The following KCNQ3 variants were observed in gnomAD, a reference collection of about 807,000 sequenced individuals.
KCNQ3 encodes the protein potassium voltage-gated channel subfamily Q member 3.
Under a neutral mutation model 92.5 loss-of-function variants are expected in KCNQ3, and 30 were observed. The observed-to-expected ratio is 0.32, with a 90% CI of 0.24 to 0.44. The LOEUF (loss-of-function observed/expected upper bound fraction) is 0.44. KCNQ3 is among the 20% of genes least tolerant of loss of function. KCNQ3 has a pLI of 1.00. For synonymous variants in KCNQ3, 450 were observed against 468.8 expected, an observed-to-expected ratio of 0.96 and a Z score of 0.52; for missense variants, 913 against 1,140.3, an observed-to-expected ratio of 0.80 and a Z score of 2.87.
intron 8 of KCNQ3, among the ~76,000 whole-genome samples, chr8:132,167,290 A>G (rs1563783326): frequency 2.6e-5 from 4 of 152,342 alleles, no homozygotes; most frequent in Middle Eastern, 3.4e-3. Flanking sequence ...AACCAGGAGT[A>G]TCTGCTCACT....
chr8:132,189,767 G>T (rs898072741), intron 1 of KCNQ3, among the ~76,000 whole-genome samples: 1 of 151,264 alleles, frequency 6.6e-6, no homozygotes, highest in Non-Finnish European at 1.5e-5. Context: ...CGGAGGTTGC[G>T]GTGAGCCGAG....
At chr8:132,185,170 T>C (rs1826922187) in intron 2 of KCNQ3, among the ~76,000 whole-genome samples, 1 of 152,200 alleles carries the variant, frequency 6.6e-6, no homozygotes, top group South Asian at 2.1e-4. Context: ...CTCTGGGACG[T>C]GCTGTTGCAA....
chr8:132,330,896 G>A (rs559914756), intron 1 of KCNQ3, among the ~76,000 whole-genome samples: 12 of 152,266 alleles, frequency 7.9e-5, no homozygotes, highest in Admixed American at 2.6e-4. Flanking sequence ...GGCAACTGCC[G>A]GGTCTGATGG....
At chr8:132,275,625 T>G (rs897963611) in intron 1 of KCNQ3, among the ~76,000 whole-genome samples, 74 of 151,700 alleles carry the variant, frequency 4.9e-4, no homozygotes, top group Non-Finnish European at 8.8e-4. Flanking sequence ...TCGCCCAGGC[T>G]GGAGTGCAGT....
rs1824503940 is a variant in KCNQ3 at position 132,122,382 on chromosome 8, A to G, written c.*6880T>C. The G allele has an allele frequency of 6.6e-6, 1 of 152,194 alleles. No homozygotes were observed. The highest frequency in any genetic ancestry group is 2.4e-5 in the African/African-American group (1 of 41,458). The allele number at this position is 152,194 out of a possible 1,614,324, so 9.4% of individuals were successfully genotyped here. A position where few individuals can be genotyped will look rare whatever the true frequency, so the allele number is the denominator to read the frequency against. ...GGAAGAGAAGGGAACATTAACATAA[A>G]ATATGGTCTCATTTTTTATTACTCT... is the stretch of plus-strand genomic sequence containing the variant. On this transcript the variant is annotated 3_prime_UTR_variant, in exon 15 of 15. Coordinates refer to ENST00000388996, the MANE Select transcript of KCNQ3 (RefSeq NM_004519.4).
rs367611806 is a variant in KCNQ3, at chr8:132,175,489, C to T, written c.897G>A (p.Glu299=). Reference sequence around the variant, plus strand: ...ACAGGGCATCTGCATAGGTCTCAAACTCCTCTTTCATCTCCTCTCCTTGTG... The same window carrying T: ...ACAGGGCATCTGCATAGGTCTCAAATTCCTCTTTCATCTCCTCTCCTTGTG... ...VDAQGEEMKE[E]FETYADALWW... The change falls in exon 5 of 15, where the codon GAG becomes GAA. Residue 299 remains glutamate, a synonymous_variant. Transcript: ENST00000388996. 15 of 1,614,016 alleles carry T rather than the reference C, an allele frequency of 9.3e-6. No individual in the cohort carries two copies. The highest frequency in any genetic ancestry group is 1.3e-5 in the Non-Finnish European group (15 of 1,179,956).
chr8:132,244,920 CA>C (rs35215337), intron 1 of KCNQ3, among the ~76,000 whole-genome samples: 22,456 of 112,212 alleles, frequency 0.2, 1,739 homozygotes, highest in South Asian at 0.35. Flanking sequence ...CTCACTTGAC[CA>C]AAAAAAAAAA....
At chr8:132,264,487 G>C (rs528097244) in intron 1 of KCNQ3, among the ~76,000 whole-genome samples, 1 of 152,210 alleles carries the variant, frequency 6.6e-6, no homozygotes. Flanking sequence ...CATGAGATGG[G>C]CCTATTGGGA....
At chr8:132,137,707 TCA>T (rs1157275021) in intron 12 of KCNQ3, among the ~76,000 whole-genome samples, 176 bp downstream of exon 12, 19 of 152,176 alleles carry the variant, frequency 1.2e-4, no homozygotes, top group African/African-American at 2.9e-4. Context: ...TACAGCTATT[TCA>T]CAGTCTGTCC....
intron 12 of KCNQ3, among the ~76,000 whole-genome samples, chr8:132,135,716 A>G (rs781183474): frequency 5.3e-5 from 8 of 152,202 alleles, no homozygotes; most frequent in Non-Finnish European, 7.3e-5. Context: ...ATACTTGCAT[A>G]AATAACAGCA....
chr8:132,174,740 C>T (rs1291009001), intron 5 of KCNQ3, among the ~76,000 whole-genome samples: 1 of 152,060 alleles, frequency 6.6e-6, no homozygotes, highest in Non-Finnish European at 1.5e-5. Context: ...TGTATCTGTT[C>T]TGGTGTGTTT....
At chr8:132,412,713 G>A (rs1820682515) in intron 1 of KCNQ3, among the ~76,000 whole-genome samples, 1 of 152,158 alleles carries the variant, frequency 6.6e-6, no homozygotes, top group Non-Finnish European at 1.5e-5. Context: ...AATGAAGGCA[G>A]GATAGCATGG....
At chr8:132,164,002 T>TA (rs1283279956) in intron 8 of KCNQ3, among the ~76,000 whole-genome samples, 1 of 152,178 alleles carries the variant, frequency 6.6e-6, no homozygotes, top group African/African-American at 2.4e-5. Flanking sequence ...ATTAAATGAA[T>TA]TGCTCAAGGG....
intron 1 of KCNQ3, among the ~76,000 whole-genome samples, chr8:132,233,959 A>T (rs532306251): frequency 2.0e-5 from 3 of 152,232 alleles, no homozygotes; most frequent in African/African-American, 7.2e-5. Context: ...AAATCAAGTG[A>T]ACACATAATT....
At chr8:132,267,696 C>T (rs939546328) in intron 1 of KCNQ3, among the ~76,000 whole-genome samples, 10 of 152,164 alleles carry the variant, frequency 6.6e-5, no homozygotes, top group Non-Finnish European at 1.2e-4. Flanking sequence ...TGCTGAAAGG[C>T]GGATTCCCAG....
intron 1 of KCNQ3, among the ~76,000 whole-genome samples, chr8:132,471,051 C>T (rs1822288689): frequency 6.6e-6 from 1 of 152,148 alleles, no homozygotes; most frequent in Non-Finnish European, 1.5e-5. Context: ...AGATTTCTCT[C>T]TTATGGTACC....
chr8:132,165,044 A>G (rs1486469685), intron 8 of KCNQ3, among the ~76,000 whole-genome samples: 1 of 152,068 alleles, frequency 6.6e-6, no homozygotes, highest in Non-Finnish European at 1.5e-5. Context: ...CCCTTCTCCC[A>G]TATGCACATT....
intron 1 of KCNQ3, among the ~76,000 whole-genome samples, chr8:132,220,264 G>T (rs1347595905): frequency 2.0e-5 from 3 of 152,080 alleles, no homozygotes; most frequent in Non-Finnish European, 4.4e-5. Context: ...TCCTAAGTGT[G>T]GGGGCAGTTA....
At chr8:132,405,662 C>T (rs2673561) in intron 1 of KCNQ3, among the ~76,000 whole-genome samples, 1 of 151,596 alleles carries the variant, frequency 6.6e-6, no homozygotes, top group Non-Finnish European at 1.5e-5. Flanking sequence ...AGCATGTCGA[C>T]CAACTCTACG....
Sources: allele counts gnomAD v4.1 joint callset (sites outside exome capture counted in the v4.1 genomes callset), GRCh38; gene constraint gnomAD v4.1.1; transcripts MANE v1.5; gene names NCBI Gene and HGNC (gene_info 2026-07-23, HGNC 2026-07-21).